SLC24A1: variants seen among roughly 807,000 people sequenced by gnomAD.
SLC24A1 encodes the protein sodium/potassium/calcium exchanger 1.
A neutral mutation model predicts 88.1 loss-of-function variants in SLC24A1; 52 were observed. The observed-to-expected ratio is 0.59, with a 90% CI of 0.47 to 0.74. SLC24A1 has a LOEUF of 0.74. Ranked by LOEUF, SLC24A1 falls within the 30% of genes least tolerant of loss-of-function variation. The pLI, the probability that SLC24A1 is intolerant of heterozygous loss-of-function variation, is 0.00. For missense variants in SLC24A1, 1,173 were observed against 1,363.3 expected, an observed-to-expected ratio of 0.86 and a Z score of 2.20; for synonymous variants, 455 against 498.0, an observed-to-expected ratio of 0.91 and a Z score of 1.15.
At chr15:65,612,234 G>C (rs2073980277) in intron 1 of SLC24A1, 1 of 152,308 alleles carries the variant, frequency 6.6e-6, no homozygotes, top group Non-Finnish European at 1.5e-5. Flanking sequence ...ATGGATGCCA[G>C]CAGGCCCCTG....
At chr15:65,621,191 C>T (rs1344060510), upstream of SLC24A1, among the ~76,000 whole-genome samples, 4 of 152,234 alleles carry the variant, frequency 2.6e-5, no homozygotes, top group Admixed American at 6.5e-5. Context: ...GAGAAAGGGG[C>T]AGTCAGTAAA....
At chr15:65,628,811 T>C (rs1228831338) in intron 2 of SLC24A1, among the ~76,000 whole-genome samples, 10 of 152,166 alleles carry the variant, frequency 6.6e-5, no homozygotes, top group Admixed American at 6.5e-4. Context: ...AAAGATTGTA[T>C]CCAGTAGAAG....
intron 7 of SLC24A1, among the ~76,000 whole-genome samples, chr15:65,651,309 C>T (rs532872962): frequency 1.1e-4 from 17 of 152,256 alleles, no homozygotes; most frequent in African/African-American, 3.9e-4. Flanking sequence ...AGTATTTATA[C>T]CCAACATTCT....
intron 3 of SLC24A1, among the ~76,000 whole-genome samples, chr15:65,639,152 G>C (rs1008078345): frequency 2.0e-5 from 3 of 152,134 alleles, no homozygotes; most frequent in African/African-American, 7.2e-5. Context: ...CCATAGATGG[G>C]GATCATAGCT....
chr15:65,625,366 C>A lies in SLC24A1; in HGVS notation c.1286C>A (p.Pro429His), dbSNP rs2074471768. 6.2e-7 allele frequency: 1 copy of A among 1,613,932 alleles called. No homozygotes were observed. Among genetic ancestry groups the A allele is most frequent in the Admixed American group, 1.7e-5 (1 of 60,008 alleles). The part of the protein sequence containing the change: ...ELSPSPSVLP[P>H]SLPDLHPKGE... The stretch of plus-strand genomic sequence containing the variant: ...AGTCCTAGTCCCTCAGTGCTGCCTC[C>A]CAGCTTGCCAGACCTCCACCCCAAG... The change falls in exon 2 of 10, where the codon CCC (proline) becomes CAC (histidine). Residue 429 changes from proline (P) to histidine (H), a missense_variant. Physicochemically the swap from Pro to His is moderately conservative, Grantham distance 77 (BLOSUM62 -2). Transcript: ENST00000261892.
chr15:65,623,221 C>T (rs1212756446), intron 1 of SLC24A1, among the ~76,000 whole-genome samples: 2 of 152,110 alleles, frequency 1.3e-5, no homozygotes, highest in Non-Finnish European at 2.9e-5. Context: ...GTTTCCCTTC[C>T]CCAGATGTCC....
At chr15:65,657,359 G>A (rs956560984), downstream of SLC24A1, among the ~76,000 whole-genome samples, 5 of 152,122 alleles carry the variant, frequency 3.3e-5, no homozygotes, top group African/African-American at 9.7e-5. Context: ...ATCAGGAAAA[G>A]GGCCGGGCGC....
At chr15:65,619,715 A>G (rs77404049), upstream of SLC24A1, among the ~76,000 whole-genome samples, 9,515 of 152,128 alleles carry the variant, frequency 0.063, 315 homozygotes, top group African/African-American at 0.091. Context: ...CTGTTTTAAT[A>G]AAAGTTAGGA....
chr15:65,625,937 G>T lies in SLC24A1; in HGVS notation c.1857G>T (p.Val619=). The change falls in exon 2 of 10, where the codon GTG becomes GTT. Residue 619 remains valine (V), a synonymous_variant. Coordinates refer to ENST00000261892, the MANE Select transcript of SLC24A1 (RefSeq NM_004727.3). The part of the protein sequence containing the change: ...WVKEQLSRRP[V]AKVMALEDLS... ...AGGAGCAGCTCAGCAGGAGGCCAGT[G>T]GCCAAGGTCATGGCCTTAGAAGACC... 1 of 1,613,856 alleles carries T rather than the reference G, an allele frequency of 6.2e-7. No individual in the cohort carries two copies. The highest frequency in any genetic ancestry group is 8.5e-7 in the Non-Finnish European group (1 of 1,179,774).
Position 65,624,240 on chromosome 15 carries a change from G to T in SLC24A1, c.160G>T (p.Val54Phe). 2.5e-6 allele frequency: 4 copies of T among 1,613,878 alleles called. No individual in the cohort carries two copies. The South Asian group carries it at 4.4e-5, about 18-fold the overall frequency. ...PRGLSSLWAA[V>F]SSHQPIKLAS... The stretch of plus-strand genomic sequence containing the variant: ...GGGCCTTTCCTCATTGTGGGCAGCA[G>T]TCTCTTCTCATCAGCCTATAAAACT... Residue 54 changes from valine (V) to phenylalanine (F), a missense_variant, in exon 2 of 10, where the codon GTC becomes TTC. By Grantham distance (50) the Val-to-Phe change is conservative. Coordinates refer to ENST00000261892, the MANE Select transcript of SLC24A1 (RefSeq NM_004727.3).
chr15:65,647,508 CAGAG>C (rs1022261359), intron 6 of SLC24A1, among the ~76,000 whole-genome samples: 255 of 145,188 alleles, frequency 1.8e-3, no homozygotes, highest in African/African-American at 5.9e-3. Context: ...AAGAGAGAGA[CAGAG>C]AGAGAAAGAA....
intron 4 of SLC24A1, among the ~76,000 whole-genome samples, chr15:65,643,673 C>T (rs1241317264): frequency 2.0e-5 from 3 of 152,230 alleles, no homozygotes; most frequent in African/African-American, 4.8e-5. Flanking sequence ...AGAGAGTTGC[C>T]TGTCCCGTGT....
intron 2 of SLC24A1, among the ~76,000 whole-genome samples, chr15:65,630,199 A>G (rs978418646): frequency 1.6e-4 from 24 of 152,254 alleles, no homozygotes; most frequent in Admixed American, 1.4e-3. Context: ...TATGTTACTC[A>G]GGCTGGTCTC....
chr15:65,622,499 TGAG>T (rs1389447721), intron 1 of SLC24A1, among the ~76,000 whole-genome samples: 1 of 152,186 alleles, frequency 6.6e-6, no homozygotes, highest in Non-Finnish European at 1.5e-5. Context: ...ATATCTCAGA[TGAG>T]GAGTTGTACC....
chr15:65,630,778 C>T (rs2074694488), intron 2 of SLC24A1, among the ~76,000 whole-genome samples: 1 of 152,162 alleles, frequency 6.6e-6, no homozygotes. Context: ...CAAGATCAGC[C>T]TGGCCAACAT....
At chr15:65,646,230 C>CT (rs1391849622) in intron 6 of SLC24A1, among the ~76,000 whole-genome samples, 1 of 151,980 alleles carries the variant, frequency 6.6e-6, no homozygotes, top group Non-Finnish European at 1.5e-5. Context: ...CCATGTTTTT[C>CT]TTTTTTTTAT....
intron 2 of SLC24A1, among the ~76,000 whole-genome samples, chr15:65,633,765 A>G (rs1388679309): frequency 6.6e-6 from 1 of 152,222 alleles, no homozygotes; most frequent in Non-Finnish European, 1.5e-5. Context: ...CTATTGGACA[A>G]TACTGGACTG....
At chr15:65,611,555 T>G (rs1002095430) in exon 1 of SLC24A1, 2 of 257,298 alleles carry the variant, frequency 7.8e-6, no homozygotes, top group Non-Finnish European at 7.7e-6. Flanking sequence ...AGCCCAACCC[T>G]TCCTGCTATT....
chr15:65,623,950 C>T lies in SLC24A1; in HGVS notation c.-126-5C>T. The T allele has an allele frequency of 2.7e-6, 2 of 739,974 alleles. No individual in the cohort carries two copies. The highest frequency in any genetic ancestry group is 4.6e-6 in the Non-Finnish European group (2 of 439,374). The allele number at this position is 739,974 out of a possible 1,614,324, so 45.8% of individuals were successfully genotyped here. ...GTAAATAATCTCTTTTTTTTACCCA[C>T]CTAGGGTTGTGGATACCCCCTGGCT... On this transcript the variant is annotated splice_region_variant and splice_polypyrimidine_tract_variant and intron_variant, in intron 1 of 9. Coordinates refer to ENST00000261892, the MANE Select transcript of SLC24A1 (RefSeq NM_004727.3).
Sources: allele counts gnomAD v4.1 joint callset (sites outside exome capture counted in the v4.1 genomes callset), GRCh38; gene constraint gnomAD v4.1.1; transcripts MANE v1.5; gene names NCBI Gene and HGNC (gene_info 2026-07-23, HGNC 2026-07-21).